Variants in NECAP2 observed in about 807,000 individuals in gnomAD.
NECAP2 encodes the protein adaptin ear-binding coat-associated protein 2.
A neutral mutation model predicts 37.8 loss-of-function variants in NECAP2; 38 were observed. The observed-to-expected ratio is 1.01, with a 90% CI of 0.78 to 1.32. The LOEUF (loss-of-function observed/expected upper bound fraction) is 1.32, where lower values mean the gene tolerates loss of function less well. NECAP2 is among the 40% of genes most tolerant of loss of function. NECAP2 has a pLI of 0.00. For missense variants in NECAP2, 316 were observed against 334.5 expected, an observed-to-expected ratio of 0.94 and a Z score of 0.43; for synonymous variants, 121 against 127.7, an observed-to-expected ratio of 0.95 and a Z score of 0.35.
chr1:16,444,119 C>G (rs574793093), intron 2 of NECAP2, among the ~76,000 whole-genome samples: 42 of 152,148 alleles, frequency 2.8e-4, no homozygotes, highest in Non-Finnish European at 4.7e-4. Flanking sequence ...ATCAATGCAG[C>G]GGTAACTCCC....
At position 16,452,096 on chromosome 1, in the gene NECAP2, C is replaced by A. The variant is rs943052572; in HGVS notation, c.667+81C>A. On this transcript the variant is annotated intron_variant, in intron 6 of 7. Coordinates refer to ENST00000337132, the MANE Select transcript of NECAP2 (RefSeq NM_018090.5). ...GGCAGCCAGGCCCCATGGTTTCCCC[C>A]CCGTTACACACATGGATTGGTCATG... 21 of 1,379,938 alleles carry A rather than the reference C, an allele frequency of 1.5e-5. No homozygotes were observed. In the Admixed American group the frequency reaches 2.3e-4, roughly 15 times the overall value. The allele number at this position is 1,379,938 out of a possible 1,614,324, so 85.5% of individuals were successfully genotyped here.
chr1:16,455,759 T>G, intron 6 of NECAP2, 59 bp from the exon 7 acceptor site: 1 of 1,364,810 alleles, frequency 7.3e-7, no homozygotes, highest in Non-Finnish European at 1.0e-6. Flanking sequence ...ACCAGAAAGG[T>G]CTCTGACTTC....
Position 16,446,916 on chromosome 1 carries a change from G to A in NECAP2, c.194-954G>A, listed in dbSNP as rs1303223049. Among the ~76,000 whole-genome samples, 4 of 151,778 alleles carry A rather than the reference G, an allele frequency of 2.6e-5. No homozygotes were observed. The East Asian group carries it at 7.8e-4, about 29-fold the overall frequency. On this transcript the variant is annotated intron_variant, in intron 2 of 7. Coordinates refer to ENST00000337132, the MANE Select transcript of NECAP2 (RefSeq NM_018090.5). ...CTCTACTAAAAATACAAAAATTAGT[G>A]GGGCGTGGTGGTGCATGCCTGTAAT...
chr1:16,442,268 G>A (rs894867453), intron 1 of NECAP2, among the ~76,000 whole-genome samples: 1 of 152,100 alleles, frequency 6.6e-6, no homozygotes, highest in Non-Finnish European at 1.5e-5. Context: ...AGGATCCACC[G>A]CGCCCGGCCC....
rs761470979 is a variant in NECAP2, at chr1:16,447,858, C to T, written c.194-12C>T. 1.9e-6 allele frequency: 3 copies of T among 1,612,330 alleles called. No homozygotes were observed. Among genetic ancestry groups the T allele is most frequent in the Non-Finnish European group, 2.5e-6 (3 of 1,178,376 alleles). On this transcript the variant is annotated splice_polypyrimidine_tract_variant and intron_variant, in intron 2 of 7. Transcript: ENST00000337132. ...CTCAGGGCTCAGCGCTCAGCCTAAC[C>T]TGTGCTTTCAGGGGAGCTCTTTGCT... is the stretch of plus-strand genomic sequence containing the variant.
Position 16,451,924 on chromosome 1 carries a change from AG to A in NECAP2, c.582del (p.Thr196ProfsTer4), listed in dbSNP as rs397860948. 16 of 1,613,778 alleles carry A rather than the reference AG, an allele frequency of 9.9e-6. No homozygotes were observed. The highest frequency in any genetic ancestry group is 2.2e-5 in the East Asian group (1 of 44,866). ...GGCTGAGCCTGCTTCCCCCTCCCCC[AG>A]GGGGGAAAACCTCCACCCTGATCCC... ...GGLSLLPPPP[G>X]GKTSTLIPPP... On this transcript the variant is annotated frameshift_variant, in exon 6 of 8. Coordinates refer to ENST00000337132, the MANE Select transcript of NECAP2 (RefSeq NM_018090.5). LOFTEE classifies it high-confidence loss of function.
intron 7 of NECAP2, among the ~76,000 whole-genome samples, 156 bp downstream of exon 7, chr1:16,456,049 GT>G (rs2086914016): frequency 6.7e-6 from 1 of 148,452 alleles, no homozygotes; most frequent in Admixed American, 6.7e-5. Context: ...TTGAGAGGGA[GT>G]TTTGCTCTTG....
At chr1:16,443,422 A>G (rs932053304) in intron 1 of NECAP2, among the ~76,000 whole-genome samples, 1 of 152,264 alleles carries the variant, frequency 6.6e-6, no homozygotes, top group Non-Finnish European at 1.5e-5. Context: ...CACCACGTGC[A>G]TGTTCTATAC....
At chr1:16,445,902 AAAAAG>A (rs893237534) in intron 2 of NECAP2, among the ~76,000 whole-genome samples, 17 of 151,294 alleles carry the variant, frequency 1.1e-4, no homozygotes, top group African/African-American at 3.6e-4. Flanking sequence ...AGACTGTCTC[AAAAAG>A]AAAAGAAAAC....
Position 16,449,077 on chromosome 1 carries a change from C to T in NECAP2, c.381-16C>T, listed in dbSNP as rs748682517. 7 of 1,582,456 alleles carry T rather than the reference C, an allele frequency of 4.4e-6. No individual in the cohort carries two copies. Among genetic ancestry groups the T allele is most frequent in the Admixed American group, 3.5e-5 (2 of 57,580 alleles). On this transcript the variant is annotated splice_polypyrimidine_tract_variant and intron_variant, in intron 4 of 7. Transcript: ENST00000337132. ...TCTCTTCCTTCCTCACCTTTTTCCTCATGTTCTCTCCCCAGGTGGGTGAAA... is the reference window on the plus strand; with the variant it reads ...TCTCTTCCTTCCTCACCTTTTTCCTTATGTTCTCTCCCCAGGTGGGTGAAA...
Position 16,455,904 on chromosome 1 carries a change from C to T in NECAP2, c.743+11C>T, listed in dbSNP as rs1311777865. Reference sequence around the variant, plus strand: ...TACCAAATCTACAGGGTAAGGAGGGCCATGTTCTGCGGAGGGGCTGGGGCC... The same window carrying T: ...TACCAAATCTACAGGGTAAGGAGGGTCATGTTCTGCGGAGGGGCTGGGGCC... On this transcript the variant is annotated intron_variant, in intron 7 of 7. Coordinates refer to ENST00000337132, the MANE Select transcript of NECAP2 (RefSeq NM_018090.5). 3.1e-6 allele frequency: 5 copies of T among 1,610,920 alleles called. No homozygotes were observed. Among genetic ancestry groups the T allele is most frequent in the Non-Finnish European group, 4.2e-6 (5 of 1,177,256 alleles).
intron 4 of NECAP2, chr1:16,448,372 G>A (rs2086793745): frequency 1.7e-6 from 1 of 572,880 alleles, no homozygotes; most frequent in East Asian, 3.0e-5. Flanking sequence ...CCTGCCACCT[G>A]TCTCCCCTTA....
In NECAP2 at chr1:16,455,804, G is replaced by A. The variant is rs1421593729; in HGVS notation, c.668-14G>A. The A allele has an allele frequency of 3.7e-6, 6 of 1,611,622 alleles. No individual in the cohort carries two copies. The highest frequency in any genetic ancestry group is 1.7e-4 in the Middle Eastern group (1 of 6,058). ...TCTTCTCTTCCTACGGGTCGGACTC[G>A]GGAACATCAATAGGAGGTGCTCCTG... is the stretch of plus-strand genomic sequence containing the variant. On this transcript the variant is annotated splice_polypyrimidine_tract_variant and intron_variant, in intron 6 of 7. Coordinates refer to ENST00000337132, the MANE Select transcript of NECAP2 (RefSeq NM_018090.5).
At chr1:16,455,485 A>G in intron 6 of NECAP2, 1 of 291,156 alleles carries the variant, frequency 3.4e-6, no homozygotes, top group Non-Finnish European at 6.6e-6. Context: ...ATAGATTTCA[A>G]CATAAATGGT....
chr1:16,458,692 T>C (rs2086965273), intron 7 of NECAP2, 150 bp from the exon 8 acceptor site: 2 of 699,568 alleles, frequency 2.9e-6, no homozygotes, highest in Admixed American at 2.8e-5. Context: ...CCAGATTTGG[T>C]CTCTGTGCCA....
intron 1 of NECAP2, 68 bp from the exon 2 acceptor site, chr1:16,443,564 C>T: frequency 2.5e-6 from 3 of 1,212,796 alleles, no homozygotes; most frequent in Non-Finnish European, 3.6e-6. Flanking sequence ...GCAGCCCTTT[C>T]CATTCCCAGC....
At chr1:16,443,772 C>T (rs749879508) in intron 2 of NECAP2, 40 bp downstream of exon 2, 1 of 1,502,078 alleles carries the variant, frequency 6.7e-7, no homozygotes, top group South Asian at 1.2e-5. Context: ...AGGGGCCGCA[C>T]CCCACTTTAT....
At chr1:16,447,774 G>C (rs1276486811) in intron 2 of NECAP2, 96 bp from the exon 3 acceptor site, 2 of 928,852 alleles carry the variant, frequency 2.2e-6, no homozygotes, top group East Asian at 2.4e-5. Context: ...CAGCTGGTTA[G>C]AGATGCCTTG....
chr1:16,454,148 T>C (rs999610243), intron 6 of NECAP2, among the ~76,000 whole-genome samples: 2 of 151,702 alleles, frequency 1.3e-5, no homozygotes, highest in African/African-American at 4.8e-5. Context: ...CAACCTCTGC[T>C]TCCTGGGTTC....
Sources: allele counts gnomAD v4.1 joint callset (sites outside exome capture counted in the v4.1 genomes callset), GRCh38; gene constraint gnomAD v4.1.1; transcripts MANE v1.5; gene names NCBI Gene and HGNC (gene_info 2026-07-23, HGNC 2026-07-21).